The following FAM47E variants were observed in gnomAD, a reference collection of about 807,000 sequenced individuals.
The protein encoded by FAM47E is protein FAM47E.
Under a neutral mutation model 41.6 loss-of-function variants are expected in FAM47E, and 32 were observed. The observed-to-expected ratio is 0.77, with a 90% CI of 0.58 to 1.03. The LOEUF (loss-of-function observed/expected upper bound fraction) is 1.03. FAM47E is among the 50% of genes least tolerant of loss of function. The probability of loss-of-function intolerance (pLI) is 0.00; values close to 1 mark genes in which losing one functional copy is unlikely to be tolerated. For missense variants in FAM47E, 424 were observed against 485.4 expected, an observed-to-expected ratio of 0.87 and a Z score of 1.19; for synonymous variants, 184 against 188.7, an observed-to-expected ratio of 0.98 and a Z score of 0.20.
chr4:76,218,855 T>C (rs1240441908), intron 2 of FAM47E, among the ~76,000 whole-genome samples: 1 of 152,154 alleles, frequency 6.6e-6, no homozygotes, highest in South Asian at 2.1e-4. Context: ...ATGTCAGCAA[T>C]ATTATCTGCT....
intron 2 of FAM47E, among the ~76,000 whole-genome samples, chr4:76,225,020 C>T (rs1032119121): frequency 6.6e-6 from 1 of 152,148 alleles, no homozygotes; most frequent in Admixed American, 6.5e-5. Flanking sequence ...TTAGCTCCCA[C>T]TTGTGAGAAG....
intron 2 of FAM47E, among the ~76,000 whole-genome samples, chr4:76,241,789 T>C (rs191906545): frequency 1.6e-3 from 241 of 152,332 alleles, no homozygotes; most frequent in South Asian, 6.2e-3. Context: ...GAATTTATAA[T>C]ATACTTTTAA....
At chr4:76,248,285 T>C (rs952582459), upstream of FAM47E, among the ~76,000 whole-genome samples, 24 of 152,250 alleles carry the variant, frequency 1.6e-4, no homozygotes, top group African/African-American at 5.3e-4. Flanking sequence ...AATTTATCTA[T>C]TTTTTCTTTT....
chr4:76,248,521 T>C (rs1733881610), upstream of FAM47E, among the ~76,000 whole-genome samples: 1 of 152,186 alleles, frequency 6.6e-6, no homozygotes, highest in African/African-American at 2.4e-5. Flanking sequence ...GTCCATCTTG[T>C]TCCTAGTACT....
At chr4:76,217,743 G>A in intron 2 of FAM47E, 3 of 502,744 alleles carry the variant, frequency 6.0e-6, no homozygotes, top group East Asian at 3.1e-5. Context: ...GACTGATGCT[G>A]TGGCAAGGAG....
intron 7 of FAM47E, chr4:76,280,577 T>G (rs968429148): frequency 5.1e-6 from 2 of 388,424 alleles, no homozygotes. Context: ...AGATACTATT[T>G]CCCTGTGATC....
chr4:76,240,544 A>G (rs1418349991), intron 2 of FAM47E, among the ~76,000 whole-genome samples: 1 of 152,070 alleles, frequency 6.6e-6, no homozygotes. Context: ...CTGTTTGACG[A>G]TGTCCTACAG....
intron 6 of FAM47E, chr4:76,278,941 C>G (rs1211805102): frequency 6.6e-6 from 1 of 152,162 alleles, no homozygotes. Flanking sequence ...CCAAACTTCT[C>G]CTAGATAACA....
rs1178061045 is a variant in FAM47E, at chr4:76,224,520, C to T, written c.81+6832C>T. Among the ~76,000 whole-genome samples, 4 of 152,140 alleles carry T rather than the reference C, an allele frequency of 2.6e-5. No homozygotes were observed. In the East Asian group the frequency reaches 7.7e-4, roughly 29 times the overall value. ...AGCTTTTAAGAAGATGTTCATACAT[C>T]TTAAAAGGGCAGAGAAAGAATAAAC... On this transcript the variant is annotated intron_variant, in intron 2 of 7. Coordinates refer to the FAM47E transcript ENST00000510197.
intron 2 of FAM47E, among the ~76,000 whole-genome samples, chr4:76,236,897 CTT>C (rs770275863): frequency 2.6e-4 from 36 of 136,250 alleles, no homozygotes; most frequent in Middle Eastern, 3.5e-3. Context: ...TCTTTTCTTT[CTT>C]TTTTTTTTTT....
intron 2 of FAM47E, among the ~76,000 whole-genome samples, chr4:76,221,861 A>G (rs538970461): frequency 6.6e-6 from 1 of 152,224 alleles, no homozygotes; most frequent in East Asian, 1.9e-4. Context: ...AGCGACACCC[A>G]GTTTACCTGT....
intron 2 of FAM47E, among the ~76,000 whole-genome samples, chr4:76,241,249 A>G (rs1560735020): frequency 6.6e-6 from 1 of 152,174 alleles, no homozygotes; most frequent in Non-Finnish European, 1.5e-5. Flanking sequence ...ATAGCCTTCA[A>G]TGTCTGGCTT....
rs1388151162 is a variant in FAM47E at position 76,229,459 on chromosome 4, AT to A, written c.81+11774del. On this transcript the variant is annotated intron_variant, in intron 2 of 7. Transcript: ENST00000510197. The stretch of plus-strand genomic sequence containing the variant: ...AGAATTACTTTTCTGATTCCTTCTC[AT>A]TTGGGTAGACTGTTTCAGTGGAAAA... Among the ~76,000 whole-genome samples the A allele has an allele frequency of 5.9e-5, 9 of 152,214 alleles. No homozygotes were observed. The East Asian group carries it at 1.7e-3, about 29-fold the overall frequency.
At chr4:76,230,347 T>C (rs1176668394) in intron 2 of FAM47E, among the ~76,000 whole-genome samples, 2 of 152,144 alleles carry the variant, frequency 1.3e-5, no homozygotes, top group African/African-American at 4.8e-5. Context: ...CTGGTGAGGC[T>C]GGTCTTGCTC....
At chr4:76,251,862 G>A in intron 1 of FAM47E, 42 bp downstream of exon 1, 2 of 1,370,002 alleles carry the variant, frequency 1.5e-6, no homozygotes, top group East Asian at 3.0e-5. Context: ...TCCCACGCGG[G>A]CCGCGCGGGG....
At chr4:76,222,650 G>A (rs1313183533) in intron 2 of FAM47E, among the ~76,000 whole-genome samples, 1 of 152,186 alleles carries the variant, frequency 6.6e-6, no homozygotes, top group Non-Finnish European at 1.5e-5. Flanking sequence ...TTCTTTCAGA[G>A]TCAACAGCAC....
chr4:76,233,929 G>GT, intron 2 of FAM47E, among the ~76,000 whole-genome samples: 1 of 152,338 alleles, frequency 6.6e-6, no homozygotes, highest in East Asian at 1.9e-4. Context: ...TACTGATGGG[G>GT]TGAAGAAGAG....
In FAM47E at chr4:76,283,498, C is replaced by T. The variant is rs374028545; in HGVS notation, c.*40C>T. On this transcript the variant is annotated 3_prime_UTR_variant, in exon 8 of 8. Coordinates refer to ENST00000424749, the MANE Select transcript of FAM47E (RefSeq NM_001136570.3). ...AATGATTAGGCAGATTTTATTACTA[C>T]GTACTTGGCTATTTCTCTGTCTCCT... 3.6e-5 allele frequency: 43 copies of T among 1,184,674 alleles called. No individual in the cohort carries two copies. The African/African-American group carries it at 3.7e-4, about 10-fold the overall frequency. The allele number at this position is 1,184,674 out of a possible 1,614,324, so 73.4% of individuals were successfully genotyped here. A position where few individuals can be genotyped will look rare whatever the true frequency, so the allele number is the denominator to read the frequency against.
rs970159933 is a variant in FAM47E at position 76,272,354 on chromosome 4, C to T, written c.870+586C>T. On this transcript the variant is annotated intron_variant, in intron 5 of 7. Coordinates refer to ENST00000424749, the MANE Select transcript of FAM47E (RefSeq NM_001136570.3). ...CAGTGTGTCACTGCAAATATATATA[C>T]ACAAGTCAAGTTATGTGAGTCAACA... 5.3e-5 allele frequency among the ~76,000 whole-genome samples: 8 copies of T among 152,298 alleles called. No homozygotes were observed. In the East Asian group the frequency reaches 1.5e-3, roughly 29 times the overall value.
Sources: allele counts gnomAD v4.1 joint callset (sites outside exome capture counted in the v4.1 genomes callset), GRCh38; gene constraint gnomAD v4.1.1; transcripts MANE v1.5; gene names NCBI Gene and HGNC (gene_info 2026-07-23, HGNC 2026-07-21).